The following PDXDC1 variants were observed in gnomAD, a reference collection of about 807,000 sequenced individuals.
The protein encoded by PDXDC1 is pyridoxal-dependent decarboxylase domain-containing protein 1.
PDXDC1 carries 42 observed loss-of-function variants against 100.1 expected under a neutral mutation model. The observed-to-expected ratio is 0.42, with a 90% CI of 0.33 to 0.54. The LOEUF (loss-of-function observed/expected upper bound fraction) is 0.54, where lower values mean the gene tolerates loss of function less well. PDXDC1 is among the 20% of genes least tolerant of loss of function. PDXDC1 has a pLI of 0.10. For synonymous variants in PDXDC1, 260 were observed against 371.7 expected (o/e 0.70, Z 3.46); for missense variants, 636 against 979.2 (o/e 0.65, Z 4.68).
chr16:14,984,401 GGT>G (rs1968763990), intron 1 of PDXDC1, among the ~76,000 whole-genome samples: 1 of 40,254 alleles, frequency 2.5e-5, no homozygotes, highest in Non-Finnish European at 5.4e-5. Flanking sequence ...TGTTTGTGTG[GGT>G]TTTTTTTTTT....
At position 15,034,437 on chromosome 16, in the gene PDXDC1, A is replaced by C. The variant is rs372777587; in HGVS notation, c.1906-20A>C. ...CCGCCGTGAGGCCAGGTGGCCCTGA[A>C]CTCTGGTCCTGTCTTGCAGGGGGTG... On this transcript the variant is annotated intron_variant, in intron 20 of 22. Transcript: ENST00000396410. 1.5e-5 allele frequency: 24 copies of C among 1,613,474 alleles called. No individual in the cohort carries two copies. The African/African-American group carries it at 3.1e-4, about 21-fold the overall frequency.
chr16:15,126,296 C>T (rs1190484036), intron 16 of PDXDC1, among the ~76,000 whole-genome samples: 9 of 130,854 alleles, frequency 6.9e-5, no homozygotes, highest in African/African-American at 2.2e-4. Context: ...CTCCGCCTCC[C>T]AAAGTGCTGG....
At chr16:15,032,671 G>A (rs1266802885) in intron 17 of PDXDC1, 190 bp from the exon 18 acceptor site, 6 of 314,144 alleles carry the variant, frequency 1.9e-5, no homozygotes, top group Admixed American at 7.0e-5. Context: ...AAAAAAAAAG[G>A]CTTTCCTGTG....
At chr16:15,040,173 A>T, downstream of PDXDC1, 1 of 626,804 alleles carries the variant, frequency 1.6e-6, no homozygotes, top group South Asian at 2.1e-5. Context: ...AGGAAAGTGA[A>T]CAGAATGGCT....
At chr16:15,034,418 TGA>T (rs2043269918) in intron 20 of PDXDC1, 37 bp from the exon 21 acceptor site, 1 of 1,613,120 alleles carries the variant, frequency 6.2e-7, no homozygotes, top group Non-Finnish European at 8.5e-7. Context: ...GGAGCCGCCG[TGA>T]GGCCAGGTGG....
At chr16:15,085,068 AAAAC>A (rs1188194369) in intron 16 of PDXDC1, among the ~76,000 whole-genome samples, 2 of 152,194 alleles carry the variant, frequency 1.3e-5, no homozygotes, top group Non-Finnish European at 2.9e-5. Flanking sequence ...TCTGTCTCAA[AAAAC>A]AAACAAACAA....
At chr16:15,064,519 G>A (rs934623871) in intron 16 of PDXDC1, among the ~76,000 whole-genome samples, 1 of 152,244 alleles carries the variant, frequency 6.6e-6, no homozygotes, top group African/African-American at 2.4e-5. Context: ...ATGGTATGTG[G>A]TCTCTAGAGG....
intron 16 of PDXDC1, chr16:15,133,737 C>G: frequency 3.1e-6 from 5 of 1,597,266 alleles, no homozygotes; most frequent in Admixed American, 1.7e-5. Context: ...CACGGGAGGG[C>G]TCCGTGACGT....
At chr16:15,137,775 G>C in intron 16 of PDXDC1, 1 of 1,566,106 alleles carries the variant, frequency 6.4e-7, no homozygotes, top group South Asian at 1.1e-5. Flanking sequence ...TCCAGCAAGG[G>C]GATGCCAAGC....
At chr16:15,143,425 G>A (rs945241443), downstream of PDXDC1, among the ~76,000 whole-genome samples, 3 of 152,230 alleles carry the variant, frequency 2.0e-5, no homozygotes, top group African/African-American at 7.2e-5. Flanking sequence ...CCGGCCCGAG[G>A]TATCTGACAC....
intron 16 of PDXDC1, among the ~76,000 whole-genome samples, chr16:15,055,206 C>A (rs1022749867): frequency 6.6e-6 from 1 of 152,146 alleles, no homozygotes; most frequent in Non-Finnish European, 1.5e-5. Flanking sequence ...AACCTGAGAA[C>A]CCCCTTGCCA....
intron 16 of PDXDC1, among the ~76,000 whole-genome samples, chr16:15,058,636 C>T (rs146975771): frequency 1.4e-4 from 22 of 152,096 alleles, no homozygotes; most frequent in East Asian, 7.7e-4. Flanking sequence ...CTGAGGTGGG[C>T]GGATCACTTG....
intron 16 of PDXDC1, among the ~76,000 whole-genome samples, chr16:15,087,216 C>T (rs768031841): frequency 6.0e-4 from 91 of 152,276 alleles, no homozygotes; most frequent in Non-Finnish European, 1.1e-3. Context: ...CAAGGTCATA[C>T]CTACAGGGAT....
At position 15,137,664 on chromosome 16, in the gene PDXDC1, G is replaced by C. The variant is rs528428563; in HGVS notation, c.1400-1215G>C. 190 of 1,238,814 alleles carry C rather than the reference G, an allele frequency of 1.5e-4. 2 individuals are homozygous for C. The South Asian group carries it at 2.3e-3, about 15-fold the overall frequency. 76.7% of individuals were successfully genotyped at this position (1,238,814 alleles called of 1,614,324 possible). ...CCTTGGCCCGGAGCCCCCCCCCAGA[G>C]AGGCCTTCCTGAGCCCTGCCCAGTG... is the stretch of plus-strand genomic sequence containing the variant. On this transcript the variant is annotated intron_variant, in intron 16 of 16. Coordinates refer to the PDXDC1 transcript ENST00000535621.
At chr16:15,140,158 G>T (rs923311759), downstream of PDXDC1, among the ~76,000 whole-genome samples, 8 of 149,600 alleles carry the variant, frequency 5.3e-5, no homozygotes, top group Middle Eastern at 3.6e-3. Context: ...AGGAGAAGGG[G>T]AAAGAGCCGG....
chr16:15,098,637 T>G (rs1164221967), intron 16 of PDXDC1, among the ~76,000 whole-genome samples: 2 of 151,670 alleles, frequency 1.3e-5, no homozygotes, highest in East Asian at 2.0e-4. Flanking sequence ...CCAGCACTTT[T>G]GGAGGCCAAG....
intron 1 of PDXDC1, among the ~76,000 whole-genome samples, chr16:14,997,264 C>T (rs1207084832): frequency 2.6e-5 from 4 of 152,262 alleles, no homozygotes; most frequent in African/African-American, 7.2e-5. Context: ...AGGCCAGGCA[C>T]GGTGGCTCAC....
At chr16:15,124,913 C>A (rs1433331149) in intron 16 of PDXDC1, among the ~76,000 whole-genome samples, 4 of 151,828 alleles carry the variant, frequency 2.6e-5, no homozygotes, top group Non-Finnish European at 5.9e-5. Flanking sequence ...CTTTGGGAGG[C>A]TGAGGCAGGC....
At chr16:15,018,234 C>T (rs1447128460) in intron 11 of PDXDC1, among the ~76,000 whole-genome samples, 2 of 152,148 alleles carry the variant, frequency 1.3e-5, no homozygotes, top group African/African-American at 2.4e-5. Flanking sequence ...AACCTCATCT[C>T]TATAAGAAAA....
Sources: allele counts gnomAD v4.1 joint callset (sites outside exome capture counted in the v4.1 genomes callset), GRCh38; gene constraint gnomAD v4.1.1; transcripts MANE v1.5; gene names NCBI Gene and HGNC (gene_info 2026-07-23, HGNC 2026-07-21).